Variants in ACYP2 observed in about 807,000 individuals in gnomAD.
The protein encoded by ACYP2 is acylphosphatase 2, also known as acylphosphatase-2.
In ACYP2, 12 loss-of-function variants were observed where a neutral mutation model predicts 11.2. That is an observed-to-expected ratio of 1.08 (90% CI 0.69 to 1.74). ACYP2 has a LOEUF of 1.74. Among genes scored for constraint, ACYP2 ranks in the 40% most tolerant of loss-of-function variants. ACYP2 has a pLI of 0.00. For missense variants in ACYP2, 134 were observed against 101.9 expected, an observed-to-expected ratio of 1.31 and a Z score of -1.35; for synonymous variants, 43 against 32.2, an observed-to-expected ratio of 1.33 and a Z score of -1.13.
At chr2:54,149,004 C>T (rs1328846405) in intron 6 of ACYP2, among the ~76,000 whole-genome samples, 2 of 152,172 alleles carry the variant, frequency 1.3e-5, no homozygotes, top group South Asian at 2.1e-4. Flanking sequence ...GTAATCCCAA[C>T]ACTTTGAGGG....
intron 6 of ACYP2, chr2:54,142,073 T>A (rs181724731): frequency 2.5e-6 from 1 of 403,170 alleles, no homozygotes; most frequent in African/African-American, 2.0e-5. Flanking sequence ...AGTGTCTCAC[T>A]ATGTTGCTCA....
chr2:54,086,742 C>T lies in ACYP2; in HGVS notation c.277+29382C>T, dbSNP rs529343490. Among the ~76,000 whole-genome samples the T allele has an allele frequency of 5.9e-5, 9 of 152,330 alleles. 1 individual carries two copies. The South Asian group carries it at 1.4e-3, about 25-fold the overall frequency. ...CATTTGAAACAAGCGCAGACTGCTA[C>T]AGGTTCATAGATGAAGCCAGTGTTT... is the stretch of plus-strand genomic sequence containing the variant. On this transcript the variant is annotated intron_variant, in intron 4 of 6. Coordinates refer to ENST00000607452, the MANE Select transcript of ACYP2 (RefSeq NM_001320586.2).
At chr2:54,020,259 A>G (rs1673933130) in intron 2 of ACYP2, among the ~76,000 whole-genome samples, 1 of 152,192 alleles carries the variant, frequency 6.6e-6, no homozygotes, top group African/African-American at 2.4e-5. Context: ...CTTAATCAGA[A>G]TACAGTTCCT....
At chr2:54,099,652 AT>A (rs547363111) in intron 4 of ACYP2, among the ~76,000 whole-genome samples, 43 of 150,384 alleles carry the variant, frequency 2.9e-4, no homozygotes, top group East Asian at 2.5e-3. Context: ...TTATAAAGCA[AT>A]TTTTTTTTTA....
At chr2:54,005,844 T>C (rs1259466230) in intron 2 of ACYP2, among the ~76,000 whole-genome samples, 1 of 152,204 alleles carries the variant, frequency 6.6e-6, no homozygotes, top group Non-Finnish European at 1.5e-5. Flanking sequence ...TTAGAATCAG[T>C]TGGTTAAAAA....
chr2:54,267,364 A>G, intron 6 of ACYP2: 3 of 1,544,778 alleles, frequency 1.9e-6, no homozygotes, highest in South Asian at 2.4e-5. Context: ...AGGAGAATTC[A>G]GGTGAGAGGT....
At chr2:54,268,006 T>G (rs2104069553) in intron 6 of ACYP2, among the ~76,000 whole-genome samples, 1 of 152,292 alleles carries the variant, frequency 6.6e-6, no homozygotes, top group East Asian at 1.9e-4. Flanking sequence ...ACTTACCAAT[T>G]TCAAATTTTA....
chr2:54,206,950 T>G (rs1391915315), intron 6 of ACYP2, among the ~76,000 whole-genome samples: 1 of 152,148 alleles, frequency 6.6e-6, no homozygotes, highest in Admixed American at 6.6e-5. Context: ...GCAGTACATT[T>G]ATTTTTTTGT....
chr2:54,283,739 C>T (rs990971508), intron 6 of ACYP2, among the ~76,000 whole-genome samples: 6 of 152,214 alleles, frequency 3.9e-5, no homozygotes, highest in Admixed American at 6.5e-5. Context: ...TTAAATACAA[C>T]GGAGTCTACC....
chr2:54,085,608 C>T (rs1269235076), intron 4 of ACYP2, among the ~76,000 whole-genome samples: 1 of 152,054 alleles, frequency 6.6e-6, no homozygotes, highest in Non-Finnish European at 1.5e-5. Context: ...ATCAATTAGC[C>T]TGTGGTAAAA....
chr2:54,084,102 C>G (rs1021279673), intron 4 of ACYP2, among the ~76,000 whole-genome samples: 3 of 152,072 alleles, frequency 2.0e-5, no homozygotes, highest in African/African-American at 7.2e-5. Context: ...TCTTCCATCT[C>G]TAAAGGTTCA....
At chr2:53,983,231 C>T (rs964819446) in intron 2 of ACYP2, among the ~76,000 whole-genome samples, 2 of 152,122 alleles carry the variant, frequency 1.3e-5, no homozygotes, top group Non-Finnish European at 2.9e-5. Context: ...AGGCCAGGCA[C>T]AGTGTGGCTC....
chr2:53,991,018 G>A (rs1352219167), intron 2 of ACYP2, among the ~76,000 whole-genome samples: 6 of 152,126 alleles, frequency 3.9e-5, no homozygotes, highest in Admixed American at 3.9e-4. Context: ...GGATAGTCTA[G>A]ATCTCCTGAC....
intron 6 of ACYP2, among the ~76,000 whole-genome samples, chr2:54,159,836 C>A (rs1260525077): frequency 5.9e-5 from 9 of 152,118 alleles, no homozygotes; most frequent in African/African-American, 9.7e-5. Flanking sequence ...TGTCCTCTGC[C>A]ACAAGTGCTC....
At chr2:54,083,117 AT>A (rs1677754933) in intron 4 of ACYP2, among the ~76,000 whole-genome samples, 1 of 152,138 alleles carries the variant, frequency 6.6e-6, no homozygotes, top group South Asian at 2.1e-4. Context: ...TCTCAGGAAA[AT>A]TACAGAGGAA....
intron 4 of ACYP2, among the ~76,000 whole-genome samples, chr2:54,116,721 G>A (rs990427021): frequency 3.3e-5 from 5 of 152,076 alleles, no homozygotes; most frequent in Admixed American, 6.6e-5. Flanking sequence ...GGTGCGACTC[G>A]CGGATGAAGC....
intron 2 of ACYP2, among the ~76,000 whole-genome samples, chr2:53,995,447 CAATT>C (rs1273239025): frequency 1.3e-4 from 19 of 150,936 alleles, no homozygotes; most frequent in African/African-American, 1.7e-4. Flanking sequence ...ATTCTAGACA[CAATT>C]AATTCAATGC....
intron 6 of ACYP2, among the ~76,000 whole-genome samples, chr2:54,260,688 ACC>A (rs1687739922): frequency 2.0e-5 from 3 of 152,144 alleles, no homozygotes; most frequent in Admixed American, 2.0e-4. Flanking sequence ...TTTGAGAATG[ACC>A]TGCAAGGGAT....
rs1468726920 is a variant in ACYP2, at chr2:53,987,870, G to T, written c.62+14060G>T. ...TTGTTTGTTTTTTGGTTTTTGGATTGCTTGGTTTTTAACTGTTGAGTTTTG... is the reference window on the plus strand; with the variant it reads ...TTGTTTGTTTTTTGGTTTTTGGATTTCTTGGTTTTTAACTGTTGAGTTTTG... On this transcript the variant is annotated intron_variant, in intron 2 of 6. Coordinates refer to ENST00000607452, the MANE Select transcript of ACYP2 (RefSeq NM_001320586.2). 3.3e-5 allele frequency among the ~76,000 whole-genome samples: 5 copies of T among 151,970 alleles called. No individual in the cohort carries two copies. The East Asian group carries it at 9.7e-4, about 29-fold the overall frequency.
Sources: allele counts gnomAD v4.1 joint callset (sites outside exome capture counted in the v4.1 genomes callset), GRCh38; gene constraint gnomAD v4.1.1; transcripts MANE v1.5; gene names NCBI Gene and HGNC (gene_info 2026-07-23, HGNC 2026-07-21).